Variants in WAC observed in about 807,000 individuals in gnomAD.
WAC encodes the protein WW domain-containing adapter protein with coiled-coil.
WAC carries 11 observed loss-of-function variants against 79.6 expected under a neutral mutation model. That is an observed-to-expected ratio of 0.14 (90% CI 0.09 to 0.23). The LOEUF (loss-of-function observed/expected upper bound fraction) is 0.23. WAC is among the 10% of genes least tolerant of loss of function. WAC has a pLI of 1.00. For synonymous variants in WAC, 304 were observed against 276.9 expected, an observed-to-expected ratio of 1.10 and a Z score of -0.97; for missense variants, 728 against 773.5, an observed-to-expected ratio of 0.94 and a Z score of 0.70.
chr10:28,616,742 T>C (rs2132865702), intron 12 of WAC, among the ~76,000 whole-genome samples: 1 of 152,344 alleles, frequency 6.6e-6, no homozygotes, highest in Non-Finnish European at 1.5e-5. Flanking sequence ...CAGTGTACTT[T>C]TTCCACTCAG....
Position 28,621,099 on chromosome 10 carries a change from A to C in WAC, c.*1493A>C, listed in dbSNP as rs931391447. On this transcript the variant is annotated 3_prime_UTR_variant, in exon 14 of 14. Transcript: ENST00000354911. ...TCACAAGGGTTTCCGCATGAAAAAA[A>C]TCTTTTCTTCCCCCACAAAAAAACC... The C allele has an allele frequency of 1.3e-5, 2 of 151,880 alleles. No homozygotes were observed. Among genetic ancestry groups the C allele is most frequent in the East Asian group, 1.9e-4 (1 of 5,194 alleles). The allele number at this position is 151,880 out of a possible 1,614,324, so 9.4% of individuals were successfully genotyped here. A position where few individuals can be genotyped will look rare whatever the true frequency, so the allele number is the denominator to read the frequency against.
intron 7 of WAC, among the ~76,000 whole-genome samples, chr10:28,606,660 G>C (rs1340829373): frequency 3.9e-5 from 6 of 152,138 alleles, no homozygotes; most frequent in Non-Finnish European, 8.8e-5. Context: ...TGCTAGTACT[G>C]TATATATGAT....
At chr10:28,565,972 A>G (rs1357665997) in intron 3 of WAC, among the ~76,000 whole-genome samples, 3 of 152,190 alleles carry the variant, frequency 2.0e-5, no homozygotes, top group Non-Finnish European at 2.9e-5. Flanking sequence ...CACAATCTAG[A>G]ATCTGACATT....
chr10:28,589,908 A>G lies in WAC; in HGVS notation c.497+57A>G, dbSNP rs569969015. ...TTCTCTAGCTTGGTTCTACTGGTTA[A>G]CATCTTACAGCATTAAACATTCTAA... On this transcript the variant is annotated intron_variant, in intron 5 of 13. Transcript: ENST00000354911. 21 of 1,266,896 alleles carry G rather than the reference A, an allele frequency of 1.7e-5. No individual in the cohort carries two copies. Among genetic ancestry groups the G allele is most frequent in the Non-Finnish European group, 2.3e-5 (20 of 869,994 alleles). The allele number at this position is 1,266,896 out of a possible 1,614,324, so 78.5% of individuals were successfully genotyped here.
At position 28,556,532 on chromosome 10, in the gene WAC, TC is replaced by T. The variant is rs1335832194; in HGVS notation, c.274+20776del. Among the ~76,000 whole-genome samples, 6 of 152,006 alleles carry T rather than the reference TC, an allele frequency of 3.9e-5. No homozygotes were observed. The South Asian group carries it at 1.2e-3, about 32-fold the overall frequency. On this transcript the variant is annotated intron_variant, in intron 3 of 13. Coordinates refer to ENST00000354911, the MANE Select transcript of WAC (RefSeq NM_016628.5). ...TGTTTTTTCGTTTTGTTGATTTTTT[TC>T]TTTTTTTCGTGCAAGAAGCTTTTTA...
chr10:28,582,013 T>C (rs550081821), intron 3 of WAC, among the ~76,000 whole-genome samples: 120 of 152,336 alleles, frequency 7.9e-4, no homozygotes, highest in African/African-American at 2.8e-3. Context: ...TTAGGAAATA[T>C]CCTCTATCAT....
chr10:28,548,176 G>C (rs905556583), intron 3 of WAC, among the ~76,000 whole-genome samples: 3 of 151,848 alleles, frequency 2.0e-5, no homozygotes, highest in African/African-American at 7.3e-5. Flanking sequence ...ACCTGCCTCT[G>C]CCTCCCAAAG....
At chr10:28,568,792 T>C (rs1380253415) in intron 3 of WAC, among the ~76,000 whole-genome samples, 1 of 152,166 alleles carries the variant, frequency 6.6e-6, no homozygotes, top group Non-Finnish European at 1.5e-5. Flanking sequence ...CAGGCTGCTC[T>C]TGAACTCCTG....
At chr10:28,603,301 C>G (rs1175552987) in intron 7 of WAC, among the ~76,000 whole-genome samples, 1 of 152,080 alleles carries the variant, frequency 6.6e-6, no homozygotes, top group African/African-American at 2.4e-5. Flanking sequence ...CAAAGCTGTC[C>G]TAGGCTTCAT....
intron 3 of WAC, among the ~76,000 whole-genome samples, chr10:28,553,384 T>C (rs1448283752): frequency 1.3e-5 from 2 of 152,226 alleles, no homozygotes; most frequent in African/African-American, 4.8e-5. Flanking sequence ...GAAATACTCA[T>C]TTTGACTCTT....
rs1204968848 is a variant in WAC, at chr10:28,533,198, A to G, written c.-382A>G. On this transcript the variant is annotated 5_prime_UTR_variant, in exon 1 of 14. Coordinates refer to ENST00000354911, the MANE Select transcript of WAC (RefSeq NM_016628.5). The stretch of plus-strand genomic sequence containing the variant: ...GCGGCGGGAGGAGGAGGAGGAGAAG[A>G]AGGACCAGGCGGCGGCAGCAGCGGC... 10 of 166,754 alleles carry G rather than the reference A, an allele frequency of 6.0e-5. No individual in the cohort carries two copies. Among genetic ancestry groups the G allele is most frequent in the African/African-American group, 1.2e-4 (5 of 40,526 alleles). The allele number at this position is 166,754 out of a possible 1,614,324, so 10.3% of individuals were successfully genotyped here.
intron 3 of WAC, among the ~76,000 whole-genome samples, chr10:28,547,182 T>A (rs1286137370): frequency 2.6e-5 from 4 of 152,214 alleles, no homozygotes; most frequent in African/African-American, 7.2e-5. Flanking sequence ...ATAGTTCATT[T>A]CATTTCTCAT....
At chr10:28,608,040 C>T in intron 7 of WAC, 146 bp from the exon 8 acceptor site, 1 of 815,932 alleles carries the variant, frequency 1.2e-6, no homozygotes, top group Middle Eastern at 2.6e-4. Flanking sequence ...TGAATGTTTA[C>T]TGAGCATCTT....
At chr10:28,614,790 A>G (rs1046786557) in intron 11 of WAC, 105 bp downstream of exon 11, 1 of 941,776 alleles carries the variant, frequency 1.1e-6, no homozygotes. Flanking sequence ...TTTAAACTCC[A>G]TGAATACCCT....
rs1021938603 is a variant in WAC, at chr10:28,590,768, A to G, written c.546A>G (p.Pro182=). 1.2e-6 allele frequency: 2 copies of G among 1,612,272 alleles called. No individual in the cohort carries two copies. Among genetic ancestry groups the G allele is most frequent in the African/African-American group, 1.3e-5 (1 of 74,922 alleles). ...EANKMAVNSF[P]KDRDYRREVM... is the part of the protein sequence containing the mutation. Reference sequence around the variant, plus strand: ...ACAAGATGGCAGTCAACAGCTTCCCAAAAGATAGGGATTACAGAAGAGAGG... The same window carrying G: ...ACAAGATGGCAGTCAACAGCTTCCCGAAAGATAGGGATTACAGAAGAGAGG... Residue 182 remains proline, a synonymous_variant, in exon 6 of 14, where the codon CCA becomes CCG. Coordinates refer to ENST00000354911, the MANE Select transcript of WAC (RefSeq NM_016628.5).
chr10:28,534,011 AG>A lies in WAC; in HGVS notation c.61del (p.Asp21ThrfsTer171). ...QRLSDGCHDR[R>X]GDSQPYQALK... ...CCTGTTTTTCAGCTGTCACGACCGG[AG>A]GGGGGACTCGCAGCCTTACCAGGTA... On this transcript the variant is annotated frameshift_variant, in exon 2 of 14. Coordinates refer to ENST00000354911, the MANE Select transcript of WAC (RefSeq NM_016628.5). LOFTEE classifies it high-confidence loss of function. 2 of 1,600,652 alleles carry A rather than the reference AG, an allele frequency of 1.2e-6. No individual in the cohort carries two copies. The highest frequency in any genetic ancestry group is 2.3e-5 in the East Asian group (1 of 42,920).
rs994579599 is a variant in WAC, at chr10:28,537,871, C to G, written c.274+2114C>G. ...TGCATCTTTCCTGATGTTTCTTTAG[C>G]TTCATTTGCAAGAAACTTGATGTTT... On this transcript the variant is annotated intron_variant, in intron 3 of 13. Transcript: ENST00000354911. Among the ~76,000 whole-genome samples, 3 of 152,152 alleles carry G rather than the reference C, an allele frequency of 2.0e-5. No homozygotes were observed. In the East Asian group the frequency reaches 5.8e-4, roughly 29 times the overall value.
Position 28,608,398 on chromosome 10 carries a change from A to G in WAC, c.1132A>G (p.Asn378Asp). 1 of 1,610,012 alleles carries G rather than the reference A, an allele frequency of 6.2e-7. No individual in the cohort carries two copies. Among genetic ancestry groups the G allele is most frequent in the Non-Finnish European group, 8.5e-7 (1 of 1,177,718 alleles). The change falls in exon 8 of 14, where the codon AAT (asparagine) becomes GAT (aspartate). Residue 378 changes from asparagine (N) to aspartate (D), a missense_variant. Around this residue, in one of 3 missense-constraint regions of WAC, gnomAD observed 648 missense variants for 661.5 expected, o/e 0.98. Coordinates refer to ENST00000354911, the MANE Select transcript of WAC (RefSeq NM_016628.5). ...TTTGCAAGCCACGCTGCAGCTTAAT[A>G]ATTCTAATGTGGACATATCTAAAAT... ...PALQATLQLN[N>D]SNVDISKINE...
At chr10:28,590,461 T>G (rs1352258388) in intron 5 of WAC, among the ~76,000 whole-genome samples, 1 of 152,244 alleles carries the variant, frequency 6.6e-6, no homozygotes, top group Non-Finnish European at 1.5e-5. Flanking sequence ...CCGTAATGTT[T>G]CTTTCACATG....
Sources: gnomAD v4.1 joint callset for allele counts (sites outside exome capture counted in the v4.1 genomes callset) on GRCh38, gnomAD v4.1.1 for gene constraint, gnomAD v4.1.1 regional missense constraint, MANE v1.5 for transcripts, NCBI Gene and HGNC (gene_info 2026-07-23, HGNC 2026-07-21) for gene names.